Variants in PCDHGA5 observed in about 807,000 individuals in gnomAD.
PCDHGA5 encodes protocadherin gamma subfamily A, 5, also known as protocadherin gamma-A5.
PCDHGA5 carries 36 observed loss-of-function variants against 56.7 expected under a neutral mutation model. The observed-to-expected ratio is 0.64, with a 90% CI of 0.49 to 0.84. PCDHGA5 has a LOEUF of 0.84. PCDHGA5 is among the 40% of genes least tolerant of loss of function. The pLI, the probability that PCDHGA5 is intolerant of heterozygous loss-of-function variation, is 0.00. For missense variants in PCDHGA5, 1,305 were observed against 1,201.5 expected, an observed-to-expected ratio of 1.09 and a Z score of -1.27; for synonymous variants, 563 against 520.2, an observed-to-expected ratio of 1.08 and a Z score of -1.12.
chr5:141,370,011 A>G (rs1234949612), intron 1 of PCDHGA5, among the ~76,000 whole-genome samples: 2 of 152,266 alleles, frequency 1.3e-5, no homozygotes, highest in African/African-American at 4.8e-5. Flanking sequence ...TAAAAGAAAT[A>G]ACAGACTAAA....
intron 1 of PCDHGA5, among the ~76,000 whole-genome samples, chr5:141,430,204 AATT>A (rs1179966513): frequency 6.6e-6 from 1 of 151,962 alleles, no homozygotes; most frequent in African/African-American, 2.4e-5. Context: ...AGAAAGTTTA[AATT>A]ATTATATTAT....
At chr5:141,389,118 C>T in intron 1 of PCDHGA5, 1 of 1,614,006 alleles carries the variant, frequency 6.2e-7, no homozygotes, top group Non-Finnish European at 8.5e-7. Context: ...AGACCGCGAG[C>T]AGAATCCAGA....
chr5:141,394,138 T>C (rs1360282699), intron 1 of PCDHGA5: 1 of 1,613,860 alleles, frequency 6.2e-7, no homozygotes. Flanking sequence ...GCTCTGCACG[T>C]GGCAGACATT....
intron 1 of PCDHGA5, chr5:141,388,229 C>A (rs1041340259): frequency 1.7e-5 from 27 of 1,606,864 alleles, no homozygotes; most frequent in Non-Finnish European, 2.2e-5. Context: ...ATCCACTGAA[C>A]TTTTATCACG....
intron 1 of PCDHGA5, chr5:141,415,561 T>C (rs11575963): frequency 0.067 from 108,836 of 1,614,090 alleles, 4,260 homozygotes; most frequent in Non-Finnish European, 0.077. Context: ...CGATCCTTTG[T>C]CTTTGTTAGA....
At chr5:141,451,198 C>T (rs1415589731) in intron 1 of PCDHGA5, among the ~76,000 whole-genome samples, 1 of 152,114 alleles carries the variant, frequency 6.6e-6, no homozygotes, top group Non-Finnish European at 1.5e-5. Context: ...AACAAATTAT[C>T]CCAAAACTTA....
intron 2 of PCDHGA5, among the ~76,000 whole-genome samples, chr5:141,502,428 A>C (rs2099814217): frequency 6.6e-6 from 1 of 151,978 alleles, no homozygotes; most frequent in South Asian, 2.1e-4. Flanking sequence ...CTATTCTCTG[A>C]TGGTTAGATT....
rs537755017 is a variant in PCDHGA5 at position 141,491,797 on chromosome 5, G to A, written c.2422-3010G>A. 16 of 1,506,818 alleles carry A rather than the reference G, an allele frequency of 1.1e-5. No individual in the cohort carries two copies. In the Admixed American group the frequency reaches 2.2e-4, roughly 20 times the overall value. The allele number at this position is 1,506,818 out of a possible 1,614,324, so 93.3% of individuals were successfully genotyped here. A position where few individuals can be genotyped will look rare whatever the true frequency, so the allele number is the denominator to read the frequency against. ...ATTGAACTTGCATCCACTCCTCTCC[G>A]GCCGGCTTGGTCGCTGGCTGCGCTC... On this transcript the variant is annotated intron_variant, in intron 1 of 3. Transcript: ENST00000518069. The surrounding 1 kb of genome is among the most constrained non-coding windows in gnomAD (Gnocchi z 6.9).
Position 141,438,011 on chromosome 5 carries a change from G to T in PCDHGA5, c.2422-56796G>T, listed in dbSNP as rs189978786. On this transcript the variant is annotated intron_variant, in intron 1 of 3. Coordinates refer to ENST00000518069, the MANE Select transcript of PCDHGA5 (RefSeq NM_018918.3). ...CCACCTCAGCCTCCCAAATAGCTGAGATTACAGGTGTGAGCCACCATGCCC... is the reference window on the plus strand; with the variant it reads ...CCACCTCAGCCTCCCAAATAGCTGATATTACAGGTGTGAGCCACCATGCCC... 2.8e-3 allele frequency among the ~76,000 whole-genome samples: 432 copies of T among 152,220 alleles called. 1 individual carries two copies. The highest frequency in any genetic ancestry group is 0.021 in the Admixed American group (318 of 15,288).
At chr5:141,385,354 G>A (rs1781142945) in intron 1 of PCDHGA5, 1 of 1,550,398 alleles carries the variant, frequency 6.4e-7, no homozygotes, top group South Asian at 1.2e-5. Context: ...ATTTCCATGA[G>A]GAATTTATTT....
rs1186240180 is a variant in PCDHGA5, at chr5:141,432,270, A to T, written c.2422-62537A>T. On this transcript the variant is annotated intron_variant, in intron 1 of 3. Transcript: ENST00000518069. The surrounding 1 kb of genome is among the most constrained non-coding windows in gnomAD (Gnocchi z 6.0). ...ATCCAAGGGGCAAGCCTATCGTCCT[A>T]CGTGTCCATCAACTCCGACACTGGG... 1 of 1,614,024 alleles carries T rather than the reference A, an allele frequency of 6.2e-7. No homozygotes were observed. The highest frequency in any genetic ancestry group is 8.5e-7 in the Non-Finnish European group (1 of 1,180,028).
At chr5:141,367,861 G>A (rs1344780297) in intron 1 of PCDHGA5, 1 of 152,032 alleles carries the variant, frequency 6.6e-6, no homozygotes, top group Non-Finnish European at 1.5e-5. Context: ...GTTTCTTTAA[G>A]TGTAGGTGCA....
chr5:141,427,454 T>C (rs62379160), intron 1 of PCDHGA5: 18,356 of 489,902 alleles, frequency 0.037, 441 homozygotes, highest in Middle Eastern at 0.11. Context: ...GAGTTCCTTT[T>C]AGAATCGAAT....
rs1189175823 is a variant in PCDHGA5 at position 141,422,087 on chromosome 5, G to T, written c.2421+55336G>T. 2 of 1,611,966 alleles carry T rather than the reference G, an allele frequency of 1.2e-6. No individual in the cohort carries two copies. ...ATGTATTCATTTCGGAACATGGAAA[G>T]CAAGGCTTCTGAAATATTCCAATTG... is the stretch of plus-strand genomic sequence containing the variant. On this transcript the variant is annotated intron_variant, in intron 1 of 3. Transcript: ENST00000518069.
At chr5:141,478,256 A>G in intron 1 of PCDHGA5, 6 of 1,614,126 alleles carry the variant, frequency 3.7e-6, no homozygotes, top group Non-Finnish European at 5.1e-6. Flanking sequence ...CGGAGTAATC[A>G]TATTCAAAGT....
At chr5:141,372,097 G>T in intron 1 of PCDHGA5, 1 of 1,613,808 alleles carries the variant, frequency 6.2e-7, no homozygotes, top group South Asian at 1.1e-5. Context: ...CCAGCTCTGG[G>T]GCCCGAAGGC....
chr5:141,427,871 G>T, intron 1 of PCDHGA5: 1 of 1,559,532 alleles, frequency 6.4e-7, no homozygotes, highest in Non-Finnish European at 8.8e-7. Flanking sequence ...TCGAGCTCAC[G>T]ATGCAGGCCC....
Position 141,476,682 on chromosome 5 carries a change from A to G in PCDHGA5, c.2422-18125A>G, listed in dbSNP as rs987205396. The G allele has an allele frequency of 6.2e-7, 1 of 1,614,072 alleles. No individual in the cohort carries two copies. Among genetic ancestry groups the G allele is most frequent in the African/African-American group, 1.3e-5 (1 of 74,934 alleles). ...GCGCTTCGCGTGCAGACGCGGGAGG[A>G]CAGCACCAAGTACGCGGAGCTGGTG... On this transcript the variant is annotated intron_variant, in intron 1 of 3. Coordinates refer to ENST00000518069, the MANE Select transcript of PCDHGA5 (RefSeq NM_018918.3). The surrounding 1 kb of genome is among the most constrained non-coding windows in gnomAD (Gnocchi z 7.6).
rs1485167379 is a variant in PCDHGA5, at chr5:141,485,881, C to T, written c.2422-8926C>T. 5.0e-6 allele frequency: 8 copies of T among 1,613,984 alleles called. No homozygotes were observed. Among genetic ancestry groups the T allele is most frequent in the East Asian group, 2.2e-5 (1 of 44,880 alleles). On this transcript the variant is annotated intron_variant, in intron 1 of 3. Transcript: ENST00000518069. The surrounding 1 kb of genome is among the most constrained non-coding windows in gnomAD (Gnocchi z 5.7). ...TCCGGGTATCCGTGCTGGACGTAAACGACAACGCCCCAGCCTTCCAGCAAT... is the reference window on the plus strand; with the variant it reads ...TCCGGGTATCCGTGCTGGACGTAAATGACAACGCCCCAGCCTTCCAGCAAT...
Sources: gnomAD v4.1 joint callset for allele counts (sites outside exome capture counted in the v4.1 genomes callset) on GRCh38, gnomAD v4.1.1 for gene constraint, Gnocchi (gnomAD v3.1) non-coding constraint, MANE v1.5 for transcripts, NCBI Gene and HGNC (gene_info 2026-07-23, HGNC 2026-07-21) for gene names.